The following MAP3K1 variants were observed in gnomAD, a reference collection of about 807,000 sequenced individuals.
MAP3K1 encodes the protein mitogen-activated protein kinase kinase kinase 1, also known as MAP/ERK kinase kinase 1.
MAP3K1 carries 36 observed loss-of-function variants against 144.2 expected under a neutral mutation model. The ratio of observed to expected loss-of-function variants is 0.25; its 90% CI spans 0.19 to 0.33. The LOEUF (loss-of-function observed/expected upper bound fraction) is 0.33, where lower values mean the gene tolerates loss of function less well. Among genes scored for constraint, MAP3K1 ranks in the 10% least tolerant of loss-of-function variants. MAP3K1 has a pLI of 1.00. For synonymous variants in MAP3K1, 718 were observed against 688.7 expected, an observed-to-expected ratio of 1.04 and a Z score of -0.67; for missense variants, 1,650 against 1,881.9, an observed-to-expected ratio of 0.88 and a Z score of 2.28.
chr5:56,864,619 C>T, intron 3 of MAP3K1, 115 bp from the exon 4 acceptor site: 1 of 1,049,356 alleles, frequency 9.5e-7, no homozygotes, highest in Non-Finnish European at 1.5e-6. Context: ...ATGATCCGCC[C>T]TCCTCGGCCT....
At chr5:56,878,027 T>A (rs1208716059) in intron 10 of MAP3K1, among the ~76,000 whole-genome samples, 1 of 152,234 alleles carries the variant, frequency 6.6e-6, no homozygotes, top group Non-Finnish European at 1.5e-5. Context: ...TCTTAGTGCA[T>A]CATATCAGTG....
chr5:56,839,495 T>C (rs931167033), intron 1 of MAP3K1, among the ~76,000 whole-genome samples: 14 of 152,186 alleles, frequency 9.2e-5, no homozygotes, highest in African/African-American at 3.4e-4. Flanking sequence ...TAGTGTCAGG[T>C]ATATTAACCA....
intron 10 of MAP3K1, 26 bp from the exon 11 acceptor site, chr5:56,878,954 A>C: frequency 6.2e-7 from 1 of 1,612,866 alleles, no homozygotes. Context: ...GTGTACATAA[A>C]CTGACCTTCA....
chr5:56,863,200 A>G (rs1259381162), intron 3 of MAP3K1, among the ~76,000 whole-genome samples: 1 of 152,228 alleles, frequency 6.6e-6, no homozygotes, highest in Non-Finnish European at 1.5e-5. Context: ...TCAAGGTGCT[A>G]GATCAGAGAT....
intron 10 of MAP3K1, among the ~76,000 whole-genome samples, chr5:56,878,313 G>T (rs772198283): frequency 5.9e-5 from 9 of 152,012 alleles, no homozygotes; most frequent in Non-Finnish European, 1.3e-4. Context: ...GGGTCGGGAG[G>T]TAGAGGAGGG....
rs529774741 is a variant in MAP3K1 at position 56,864,159 on chromosome 5, G to A, written c.835-575G>A. 2.0e-5 allele frequency among the ~76,000 whole-genome samples: 3 copies of A among 152,264 alleles called. No homozygotes were observed. In the South Asian group the frequency reaches 6.2e-4, roughly 32 times the overall value. ...ATTAGATGTTTCAAAGAACTCAAAT[G>A]TTAATAGAATAATTTATAAAATTAC... On this transcript the variant is annotated intron_variant, in intron 3 of 19. Coordinates refer to ENST00000399503, the MANE Select transcript of MAP3K1 (RefSeq NM_005921.2).
chr5:56,844,261 G>A (rs1216026165), intron 1 of MAP3K1, among the ~76,000 whole-genome samples: 1 of 125,172 alleles, frequency 8.0e-6, no homozygotes, highest in East Asian at 2.6e-4. Context: ...CTCACTGCAA[G>A]CTCCGCCTCC....
At position 56,882,536 on chromosome 5, in the gene MAP3K1, G is replaced by T. The variant is rs776514699; in HGVS notation, c.3336G>T (p.Val1112=). 1 of 1,614,104 alleles carries T rather than the reference G, an allele frequency of 6.2e-7. No homozygotes were observed. The highest frequency in any genetic ancestry group is 1.1e-5 in the South Asian group (1 of 91,080). Residue 1112 remains valine (V), a synonymous_variant, in exon 14 of 20, where the codon GTG becomes GTT. Coordinates refer to ENST00000399503, the MANE Select transcript of MAP3K1 (RefSeq NM_005921.2). ...CTGTTATACCCAGTGACGAGACAGT[G>T]TTCACCCCAGTAGAGGAGAAATGCA... is the stretch of plus-strand genomic sequence containing the variant. ...SNAVIPSDET[V]FTPVEEKCRL... is the part of the protein sequence containing the mutation.
intron 15 of MAP3K1, 101 bp downstream of exon 15, chr5:56,883,780 T>G (rs1269629051): frequency 1.6e-6 from 2 of 1,227,242 alleles, no homozygotes; most frequent in Non-Finnish European, 2.4e-6. Flanking sequence ...TGTACTTTAG[T>G]TCTTTAAACT....
chr5:56,836,199 T>C (rs1746650398), intron 1 of MAP3K1, among the ~76,000 whole-genome samples: 1 of 152,150 alleles, frequency 6.6e-6, no homozygotes, highest in African/African-American at 2.4e-5. Flanking sequence ...GTTCAGAGAA[T>C]TGTTTTCCGT....
chr5:56,818,554 G>T (rs1442819656), intron 1 of MAP3K1, among the ~76,000 whole-genome samples: 1 of 152,022 alleles, frequency 6.6e-6, no homozygotes, highest in Non-Finnish European at 1.5e-5. Context: ...TTTTAAGTTT[G>T]TCCCTCTTTT....
intron 1 of MAP3K1, among the ~76,000 whole-genome samples, chr5:56,847,588 T>A (rs1373997785): frequency 6.6e-6 from 1 of 152,230 alleles, no homozygotes; most frequent in Non-Finnish European, 1.5e-5. Context: ...AGAGTAACAC[T>A]GGATCTCAAC....
chr5:56,820,688 T>C (rs1260874111), intron 1 of MAP3K1: 1 of 985,272 alleles, frequency 1.0e-6, no homozygotes, highest in Non-Finnish European at 1.2e-6. Context: ...GAGAAACTTT[T>C]ACTATTGCTA....
intron 1 of MAP3K1, among the ~76,000 whole-genome samples, chr5:56,841,631 T>G (rs1455849620): frequency 6.6e-6 from 1 of 152,258 alleles, no homozygotes; most frequent in Non-Finnish European, 1.5e-5. Flanking sequence ...GTGGTCCTAT[T>G]GAGCTTTCTA....
intron 1 of MAP3K1, among the ~76,000 whole-genome samples, chr5:56,830,559 A>G (rs1746454990): frequency 6.6e-6 from 1 of 152,182 alleles, no homozygotes; most frequent in Non-Finnish European, 1.5e-5. Flanking sequence ...AAAAGTTGCT[A>G]TAGTGCTGGT....
chr5:56,877,113 G>A (rs1301679542), intron 10 of MAP3K1, among the ~76,000 whole-genome samples: 1 of 152,098 alleles, frequency 6.6e-6, no homozygotes, highest in African/African-American at 2.4e-5. Context: ...GAGTTATTTT[G>A]CTACACCTTG....
intron 6 of MAP3K1, among the ~76,000 whole-genome samples, chr5:56,868,539 C>T (rs1747748671): frequency 6.6e-6 from 1 of 152,080 alleles, no homozygotes; most frequent in South Asian, 2.1e-4. Flanking sequence ...CGCCTGCCAC[C>T]ATGCCCAGCT....
intron 2 of MAP3K1, among the ~76,000 whole-genome samples, chr5:56,859,164 A>G (rs898220680): frequency 1.3e-5 from 2 of 150,374 alleles, no homozygotes; most frequent in South Asian, 2.1e-4. Flanking sequence ...TGAGATACAC[A>G]TCTAACCTAT....
intron 10 of MAP3K1, 98 bp from the exon 11 acceptor site, chr5:56,878,882 T>G (rs1748118069): frequency 9.9e-7 from 1 of 1,008,784 alleles, no homozygotes; most frequent in African/African-American, 1.6e-5. Context: ...AATCCATTCC[T>G]GTCTACTTAT....
Sources: allele counts gnomAD v4.1 joint callset (sites outside exome capture counted in the v4.1 genomes callset), GRCh38; gene constraint gnomAD v4.1.1; transcripts MANE v1.5; gene names NCBI Gene and HGNC (gene_info 2026-07-23, HGNC 2026-07-21).